CUL1: variants seen among roughly 807,000 people sequenced by gnomAD.
The protein encoded by CUL1 is cullin-1.
Under a neutral mutation model 118.0 loss-of-function variants are expected in CUL1, and 24 were observed. The observed-to-expected ratio is 0.20, with a 90% confidence interval of 0.15 to 0.29. The LOEUF is 0.29. Ranked by LOEUF, CUL1 falls within the 10% of genes least tolerant of loss-of-function variation. CUL1 has a pLI of 1.00. For missense variants in CUL1, 361 were observed against 933.8 expected, an observed-to-expected ratio of 0.39 and a Z score of 7.99; for synonymous variants, 332 against 340.4, an observed-to-expected ratio of 0.98 and a Z score of 0.27.
rs543386239 is a variant in CUL1, at chr7:148,798,914, T to C, written c.2136+237T>C. Among the ~76,000 whole-genome samples the C allele has an allele frequency of 2.0e-3, 307 of 152,292 alleles. 4 individuals carry two copies. The highest frequency in any genetic ancestry group is 3.4e-3 in the Middle Eastern group (1 of 294). ...TCTAAATGTTGGAAAGCAAACATTG[T>C]GGCAGGTTTGGCTGAAATGAGGGGG... On this transcript the variant is annotated intron_variant, in intron 20 of 21. Transcript: ENST00000325222.
chr7:148,797,429 TGA>T (rs1801241244), intron 17 of CUL1, among the ~76,000 whole-genome samples: 2 of 150,708 alleles, frequency 1.3e-5, no homozygotes, highest in African/African-American at 4.9e-5. Flanking sequence ...ATGGCGCAGT[TGA>T]AATTTCGGAT....
At chr7:148,737,904 G>C (rs1484519935) in intron 2 of CUL1, among the ~76,000 whole-genome samples, 1 of 152,078 alleles carries the variant, frequency 6.6e-6, no homozygotes, top group Non-Finnish European at 1.5e-5. Flanking sequence ...AGCCTAGGAA[G>C]TACTGTATTT....
chr7:148,757,536 A>G (rs995577134), intron 4 of CUL1, among the ~76,000 whole-genome samples: 2 of 152,230 alleles, frequency 1.3e-5, no homozygotes, highest in African/African-American at 4.8e-5. Flanking sequence ...CCCATGCTTT[A>G]GAGTCTGGGA....
intron 1 of CUL1, 49 bp from the exon 2 acceptor site, chr7:148,729,913 T>C: frequency 1.8e-6 from 1 of 545,282 alleles, no homozygotes; most frequent in South Asian, 3.0e-5. Context: ...TCTCACCTTA[T>C]TACAGTACCC....
At chr7:148,792,468 C>T (rs181351693) in intron 16 of CUL1, among the ~76,000 whole-genome samples, 117 of 152,144 alleles carry the variant, frequency 7.7e-4, no homozygotes, top group African/African-American at 2.7e-3. Context: ...TCCACATAGA[C>T]AATACGTTTT....
intron 11 of CUL1, 68 bp from the exon 12 acceptor site, chr7:148,786,476 GCTGCATT>G: frequency 8.9e-7 from 1 of 1,117,920 alleles, no homozygotes; most frequent in Non-Finnish European, 1.4e-6. Context: ...AATGCTTGAA[GCTGCATT>G]CTGGCTAAGT....
intron 2 of CUL1, among the ~76,000 whole-genome samples, chr7:148,752,346 C>G (rs1315364237): frequency 2.0e-5 from 3 of 152,004 alleles, no homozygotes; most frequent in Non-Finnish European, 4.4e-5. Context: ...TGTGGGAATG[C>G]AGTAAGATCT....
rs1563152499 is a variant in CUL1 at position 148,730,147 on chromosome 7, C to T, written c.25C>T (p.Pro9Ser). 1.2e-6 allele frequency: 2 copies of T among 1,613,892 alleles called. No individual in the cohort carries two copies. The highest frequency in any genetic ancestry group is 1.7e-6 in the Non-Finnish European group (2 of 1,179,932). ...AATGTCGTCAACCCGGAGCCAGAAC[C>T]CCCACGGCCTGAAGCAGATTGGCCT... Reference protein sequence around the residue: MSSTRSQNPHGLKQIGLDQ... With the variant: MSSTRSQNSHGLKQIGLDQ... The change falls in exon 2 of 22, where the codon CCC becomes TCC. Residue 9 changes from proline to serine, a missense_variant. Pro to Ser is a moderately conservative substitution (Grantham distance 74). Transcript: ENST00000325222.
At chr7:148,773,577 C>T (rs149940690) in intron 9 of CUL1, among the ~76,000 whole-genome samples, 6 of 152,242 alleles carry the variant, frequency 3.9e-5, no homozygotes, top group Non-Finnish European at 7.4e-5. Flanking sequence ...TCTTACCCAG[C>T]GAGGATCTGT....
intron 1 of CUL1, among the ~76,000 whole-genome samples, chr7:148,718,727 G>A (rs2129459232): frequency 6.6e-6 from 1 of 150,546 alleles, no homozygotes; most frequent in African/African-American, 2.5e-5. Context: ...GATTTTTTTT[G>A]TTTTTGGGGG....
At chr7:148,783,479 T>A in intron 9 of CUL1, 1 of 1,237,664 alleles carries the variant, frequency 8.1e-7, no homozygotes, top group South Asian at 1.6e-5. Context: ...AAAGCAGAAC[T>A]GTCACTTGGA....
intron 1 of CUL1, among the ~76,000 whole-genome samples, chr7:148,717,318 A>T (rs1330597772): frequency 6.6e-6 from 1 of 152,178 alleles, no homozygotes; most frequent in East Asian, 1.9e-4. Context: ...GAGCCTTCCA[A>T]AGTGCTAGGA....
intron 1 of CUL1, among the ~76,000 whole-genome samples, chr7:148,710,111 T>C (rs975068030): frequency 4.6e-5 from 7 of 151,828 alleles, no homozygotes; most frequent in Non-Finnish European, 7.4e-5. Context: ...AAAATATGGG[T>C]TTAAGTTATT....
chr7:148,699,451 C>T (rs1263776149), intron 1 of CUL1, among the ~76,000 whole-genome samples: 5 of 152,180 alleles, frequency 3.3e-5, no homozygotes, highest in African/African-American at 4.8e-5. Context: ...GTGAGGCGAC[C>T]TCCGCGGGAC....
In CUL1 at chr7:148,703,990, G is replaced by A. The variant is rs148490544; in HGVS notation, c.-162+4961G>A. On this transcript the variant is annotated intron_variant, in intron 1 of 21. Coordinates refer to ENST00000325222, the MANE Select transcript of CUL1 (RefSeq NM_003592.3). Reference sequence around the variant, plus strand: ...AGATATAACACCAAGCACGGGAACTGTAAAGGAAAAGATTTGAGTACTTTA... The same window carrying A: ...AGATATAACACCAAGCACGGGAACTATAAAGGAAAAGATTTGAGTACTTTA... Among the ~76,000 whole-genome samples, 525 of 152,244 alleles carry A rather than the reference G, an allele frequency of 3.4e-3. 5 individuals are homozygous for A. The highest frequency in any genetic ancestry group is 0.012 in the African/African-American group (497 of 41,538).
Position 148,792,058 on chromosome 7 carries a change from C to T in CUL1, c.1807-668C>T, listed in dbSNP as rs563330812. Among the ~76,000 whole-genome samples, 10 of 152,138 alleles carry T rather than the reference C, an allele frequency of 6.6e-5. No homozygotes were observed. The East Asian group carries it at 9.6e-4, about 15-fold the overall frequency. ...AAAATTAGCTGGGTGTGGTGGTGCA[C>T]GCCTATAGCCCCAGCTACTCTGGAG... is the stretch of plus-strand genomic sequence containing the variant. On this transcript the variant is annotated intron_variant, in intron 16 of 21. Coordinates refer to ENST00000325222, the MANE Select transcript of CUL1 (RefSeq NM_003592.3).
intron 9 of CUL1, among the ~76,000 whole-genome samples, chr7:148,768,685 G>T (rs559044436): frequency 6.6e-6 from 1 of 152,016 alleles, no homozygotes; most frequent in Admixed American, 6.6e-5. Context: ...ACGTGCGGCC[G>T]AGAAGAAAAG....
chr7:148,784,194 GA>G, intron 11 of CUL1, 117 bp downstream of exon 11: 2 of 805,628 alleles, frequency 2.5e-6, no homozygotes, highest in Non-Finnish European at 4.0e-6. Flanking sequence ...TGTACCTTAT[GA>G]GAAAAATGCT....
intron 11 of CUL1, 111 bp from the exon 12 acceptor site, chr7:148,786,440 C>T: frequency 1.2e-6 from 1 of 832,834 alleles, no homozygotes; most frequent in Non-Finnish European, 2.0e-6. Flanking sequence ...TTCCTCTGCA[C>T]TAATCTGATG....
Sources: allele counts gnomAD v4.1 joint callset (sites outside exome capture counted in the v4.1 genomes callset), GRCh38; gene constraint gnomAD v4.1.1; transcripts MANE v1.5; gene names NCBI Gene and HGNC (gene_info 2026-07-23, HGNC 2026-07-21).